The following ROBO1 variants were observed in gnomAD, a reference collection of about 807,000 sequenced individuals.
The protein encoded by ROBO1 is roundabout guidance receptor 1.
Under a neutral mutation model 195.9 loss-of-function variants are expected in ROBO1, and 149 were observed. The ratio of observed to expected loss-of-function variants is 0.76; its 90% CI spans 0.67 to 0.87. ROBO1 has a LOEUF of 0.87. Ranked by LOEUF, ROBO1 falls within the 40% of genes least tolerant of loss-of-function variation. The pLI is 0.00. For missense variants in ROBO1, 1,933 were observed against 2,068.3 expected (o/e 0.93, Z 1.27); for synonymous variants, 816 against 733.2 (o/e 1.11, Z -1.82).
intron 2 of ROBO1, among the ~76,000 whole-genome samples, chr3:79,313,899 C>T (rs781272180): frequency 6.6e-6 from 1 of 152,110 alleles, no homozygotes; most frequent in Non-Finnish European, 1.5e-5. Flanking sequence ...GAAAACTAGA[C>T]ACTTGAGGCA....
intron 1 of ROBO1, among the ~76,000 whole-genome samples, chr3:79,650,947 T>C (rs1945987034): frequency 6.6e-6 from 1 of 152,084 alleles, no homozygotes; most frequent in Admixed American, 6.6e-5. Flanking sequence ...TTCTCATGAT[T>C]CTTTTGATTC....
chr3:79,711,533 A>G (rs924280643), intron 1 of ROBO1, among the ~76,000 whole-genome samples: 1 of 152,170 alleles, frequency 6.6e-6, no homozygotes, highest in Non-Finnish European at 1.5e-5. Context: ...AGTATGAAAA[A>G]GGAAAATTAA....
At chr3:79,112,224 G>C (rs1180923276) in intron 3 of ROBO1, among the ~76,000 whole-genome samples, 1 of 152,094 alleles carries the variant, frequency 6.6e-6, no homozygotes, top group African/African-American at 2.4e-5. Context: ...TATTTGAATT[G>C]ATTTTTCATA....
At chr3:78,666,069 C>T (rs760751576) in intron 14 of ROBO1, among the ~76,000 whole-genome samples, 39 of 151,912 alleles carry the variant, frequency 2.6e-4, no homozygotes, top group Admixed American at 1.1e-3. Flanking sequence ...CTCAGGAGAC[C>T]CGATGGTTTT....
chr3:79,203,149 A>G (rs1024915179), intron 2 of ROBO1, among the ~76,000 whole-genome samples: 1 of 152,208 alleles, frequency 6.6e-6, no homozygotes, highest in Non-Finnish European at 1.5e-5. Context: ...TATCATTTCC[A>G]GATGCAGCAG....
chr3:79,584,283 T>C (rs1301795809), intron 2 of ROBO1, among the ~76,000 whole-genome samples: 1 of 148,022 alleles, frequency 6.8e-6, no homozygotes, highest in Admixed American at 6.8e-5. Flanking sequence ...TATATATTAC[T>C]ACATATATAT....
chr3:78,849,810 C>T (rs2033923311), intron 4 of ROBO1, among the ~76,000 whole-genome samples: 1 of 142,250 alleles, frequency 7.0e-6, no homozygotes. Flanking sequence ...TTTTTGTTTA[C>T]AGTCAGTCTC....
At chr3:78,924,501 A>AT (rs1266424860) in intron 4 of ROBO1, among the ~76,000 whole-genome samples, 1 of 152,134 alleles carries the variant, frequency 6.6e-6, no homozygotes, top group Non-Finnish European at 1.5e-5. Context: ...TTTTTAAAAA[A>AT]TAAAAAATAT....
intron 2 of ROBO1, among the ~76,000 whole-genome samples, chr3:79,148,127 C>T (rs1368269397): frequency 4.0e-5 from 6 of 151,758 alleles, no homozygotes; most frequent in Admixed American, 4.0e-4. Context: ...TTCTTTGATT[C>T]CTCCCTCTTC....
At chr3:79,015,339 A>C (rs961731454) in intron 3 of ROBO1, among the ~76,000 whole-genome samples, 1 of 151,922 alleles carries the variant, frequency 6.6e-6, no homozygotes, top group East Asian at 1.9e-4. Context: ...AGTGAAACTT[A>C]TTTAAAAAAG....
intron 2 of ROBO1, among the ~76,000 whole-genome samples, chr3:79,211,688 A>G (rs2081967971): frequency 1.3e-5 from 2 of 152,228 alleles, no homozygotes; most frequent in South Asian, 4.1e-4. Context: ...TAACTTTACC[A>G]AAGGCATTTT....
intron 1 of ROBO1, among the ~76,000 whole-genome samples, chr3:79,747,931 A>G (rs1401011756): frequency 4.6e-5 from 7 of 152,132 alleles, no homozygotes; most frequent in African/African-American, 1.7e-4. Flanking sequence ...GGTATGACTA[A>G]ATATATGAAT....
intron 2 of ROBO1, among the ~76,000 whole-genome samples, chr3:79,329,447 G>C (rs942834921): frequency 3.3e-5 from 5 of 152,172 alleles, no homozygotes. Context: ...TAAAAATCCT[G>C]GTTCTGGAAT....
intron 2 of ROBO1, among the ~76,000 whole-genome samples, chr3:79,520,508 G>T (rs1223199396): frequency 6.6e-6 from 1 of 152,126 alleles, no homozygotes; most frequent in Non-Finnish European, 1.5e-5. Flanking sequence ...TGTTCCTTCA[G>T]CCATGGCAAA....
At chr3:79,247,942 C>G (rs879826282) in intron 2 of ROBO1, among the ~76,000 whole-genome samples, 22 of 152,050 alleles carry the variant, frequency 1.4e-4, no homozygotes, top group Non-Finnish European at 3.2e-4. Context: ...GTTTCCCTGC[C>G]GGAAATCATT....
At chr3:79,521,803 G>T (rs1941221187) in intron 2 of ROBO1, among the ~76,000 whole-genome samples, 1 of 152,056 alleles carries the variant, frequency 6.6e-6, no homozygotes, top group African/African-American at 2.4e-5. Flanking sequence ...CTGCTCCTGA[G>T]ATTAAGGGGA....
intron 1 of ROBO1, among the ~76,000 whole-genome samples, chr3:79,660,791 T>G (rs1279902968): frequency 1.3e-5 from 2 of 152,066 alleles, no homozygotes; most frequent in African/African-American, 2.4e-5. Context: ...AACCTCAGCC[T>G]GAAAAGCACA....
At chr3:79,446,277 AT>A (rs988211602) in intron 2 of ROBO1, among the ~76,000 whole-genome samples, 2 of 152,194 alleles carry the variant, frequency 1.3e-5, no homozygotes, top group African/African-American at 4.8e-5. Context: ...AATTATTCAA[AT>A]CCGCAGATCC....
intron 2 of ROBO1, among the ~76,000 whole-genome samples, chr3:79,259,568 A>C (rs1576888534): frequency 6.6e-6 from 1 of 150,576 alleles, no homozygotes. Flanking sequence ...AACCATCCCC[A>C]CCTCCCCCTA....
Sources: gnomAD v4.1 joint callset for allele counts (sites outside exome capture counted in the v4.1 genomes callset) on GRCh38, gnomAD v4.1.1 for gene constraint, MANE v1.5 for transcripts, NCBI Gene and HGNC (gene_info 2026-07-23, HGNC 2026-07-21) for gene names.